AOAH: variants seen among roughly 807,000 people sequenced by gnomAD.
AOAH encodes the protein acyloxyacyl hydrolase.
A neutral mutation model predicts 92.2 loss-of-function variants in AOAH; 64 were observed. The ratio of observed to expected loss-of-function variants is 0.69; its 90% CI spans 0.57 to 0.86. The LOEUF (loss-of-function observed/expected upper bound fraction) is 0.86. Among genes scored for constraint, AOAH ranks in the 40% least tolerant of loss-of-function variants. The pLI is 0.00. For synonymous variants in AOAH, 263 were observed against 254.5 expected, an observed-to-expected ratio of 1.03 and a Z score of -0.32; for missense variants, 656 against 694.6, an observed-to-expected ratio of 0.94 and a Z score of 0.62.
intron 1 of AOAH, among the ~76,000 whole-genome samples, chr7:36,713,450 A>G (rs992646450): frequency 1.3e-5 from 2 of 152,136 alleles, no homozygotes; most frequent in Admixed American, 6.5e-5. Context: ...ATATCCAGGA[A>G]TTGAACTCAG....
chr7:36,661,672 G>A (rs1214409332), intron 3 of AOAH, among the ~76,000 whole-genome samples: 1 of 152,124 alleles, frequency 6.6e-6, no homozygotes, highest in East Asian at 1.9e-4. Flanking sequence ...TTTATCTTGT[G>A]ATTGAAAGCA....
chr7:36,684,946 G>A (rs202164349), intron 2 of AOAH, among the ~76,000 whole-genome samples: 27 of 71,006 alleles, frequency 3.8e-4, no homozygotes, highest in Admixed American at 6.7e-4. Context: ...AAAAGAAGAA[G>A]AAGAAGAAGA....
chr7:36,551,092 T>TA (rs992371982), intron 13 of AOAH, among the ~76,000 whole-genome samples: 5 of 151,174 alleles, frequency 3.3e-5, no homozygotes, highest in African/African-American at 1.2e-4. Flanking sequence ...TTTTTTTTTT[T>TA]AGACAGAGTC....
At chr7:36,700,767 T>TCCAC (rs1354777170) in intron 1 of AOAH, among the ~76,000 whole-genome samples, 3 of 152,160 alleles carry the variant, frequency 2.0e-5, no homozygotes, top group Admixed American at 2.0e-4. Flanking sequence ...CACTGTGTTT[T>TCCAC]CCACAGAGGT....
At chr7:36,627,188 G>T (rs1393415594) in intron 6 of AOAH, among the ~76,000 whole-genome samples, 63 of 152,268 alleles carry the variant, frequency 4.1e-4, no homozygotes, top group African/African-American at 1.4e-3. Context: ...TGCATCAAAA[G>T]ATAACTATAG....
At chr7:36,578,538 A>G (rs1157039036) in intron 12 of AOAH, among the ~76,000 whole-genome samples, 4 of 152,002 alleles carry the variant, frequency 2.6e-5, no homozygotes, top group African/African-American at 9.7e-5. Context: ...TCCACTCTCC[A>G]TTTTTCCATT....
intron 3 of AOAH, among the ~76,000 whole-genome samples, chr7:36,669,175 C>T (rs1371679098): frequency 2.0e-5 from 3 of 152,058 alleles, no homozygotes; most frequent in African/African-American, 7.2e-5. Flanking sequence ...CATATTTAGA[C>T]CTGTGACATT....
intron 1 of AOAH, among the ~76,000 whole-genome samples, chr7:36,712,462 T>C (rs921629268): frequency 2.0e-5 from 3 of 152,198 alleles, no homozygotes; most frequent in African/African-American, 7.2e-5. Context: ...AACACAAGGA[T>C]TATTTTCCCC....
In AOAH at chr7:36,576,588, T is replaced by G; in HGVS notation, c.1007A>C (p.Asn336Thr). ...RNHCNHRDYQ[N>T]ISRNGASSRN... Reference sequence around the variant, plus strand: ...AAGTTACGTACCATTTCTTGAAATATTCTGGTAGTCCCTGTGATTACAGTG... The same window carrying G: ...AAGTTACGTACCATTTCTTGAAATAGTCTGGTAGTCCCTGTGATTACAGTG... The change falls in exon 13 of 21, where the codon AAT becomes ACT. Residue 336 changes from asparagine to threonine, a missense_variant. Physicochemically the swap from Asn to Thr is moderately conservative, Grantham distance 65 (BLOSUM62 0). Coordinates refer to ENST00000617537, the MANE Select transcript of AOAH (RefSeq NM_001637.4). 1 of 1,572,676 alleles carries G rather than the reference T, an allele frequency of 6.4e-7. No individual in the cohort carries two copies. Among genetic ancestry groups the G allele is most frequent in the East Asian group, 2.3e-5 (1 of 44,138 alleles).
At chr7:36,601,493 C>A (rs1461294536) in intron 11 of AOAH, among the ~76,000 whole-genome samples, 2 of 152,162 alleles carry the variant, frequency 1.3e-5, no homozygotes, top group African/African-American at 4.8e-5. Flanking sequence ...TAGAGGAGCA[C>A]AGACAATAAA....
At chr7:36,646,758 T>C (rs1380116240) in intron 4 of AOAH, among the ~76,000 whole-genome samples, 1 of 152,228 alleles carries the variant, frequency 6.6e-6, no homozygotes, top group Non-Finnish European at 1.5e-5. Context: ...CTCATGGCTC[T>C]GAACACTGCC....
rs200489121 is a variant in AOAH, at chr7:36,517,228, C to CTTTTTCTCTTTCTTTCTTTCTG, written c.1600-3849_1600-3848insCAGAAAGAAAGAAAGAGAAAAA. 6.9e-3 allele frequency among the ~76,000 whole-genome samples: 375 copies of CTTTTTCTCTTTCTTTCTTTCTG among 54,738 alleles called. 10 individuals carry two copies. Among genetic ancestry groups the CTTTTTCTCTTTCTTTCTTTCTG allele is most frequent in the Admixed American group, 0.012 (53 of 4,442 alleles). The allele number at this position is 54,738 out of a possible 152,430, so 35.9% of individuals were successfully genotyped here. ...TTTCTTTCTTTCTCTTTCTTTCTGT[C>CTTTTTCTCTTTCTTTCTTTCTG]TCTCTCTCTCTCTCTCTTTCTTTCT... On this transcript the variant is annotated intron_variant, in intron 20 of 20. Transcript: ENST00000617537.
chr7:36,603,336 G>A lies in AOAH; in HGVS notation c.847-8906C>T, dbSNP rs145231331. On this transcript the variant is annotated intron_variant, in intron 11 of 20. Transcript: ENST00000617537. ...TACCCCTATCCCCGCAGACCTCCAG[G>A]TCTCACCACAAGCTCTTCCTCCAGC... Among the ~76,000 whole-genome samples the A allele has an allele frequency of 3.1e-3, 478 of 152,128 alleles. 2 individuals are homozygous for A. The highest frequency in any genetic ancestry group is 0.01 in the African/African-American group (424 of 41,486).
intron 16 of AOAH, 51 bp downstream of exon 16, chr7:36,540,268 C>A (rs772881880): frequency 7.6e-6 from 11 of 1,447,906 alleles, no homozygotes; most frequent in Non-Finnish European, 1.0e-5. Flanking sequence ...ATACATTGAA[C>A]TGTATATACA....
chr7:36,652,335 C>G (rs370862776), intron 4 of AOAH, among the ~76,000 whole-genome samples: 1 of 152,056 alleles, frequency 6.6e-6, no homozygotes, highest in Non-Finnish European at 1.5e-5. Context: ...GTATAAAATA[C>G]GTATACATGA....
At chr7:36,701,649 GT>G (rs1258031866) in intron 1 of AOAH, among the ~76,000 whole-genome samples, 1 of 151,480 alleles carries the variant, frequency 6.6e-6, no homozygotes, top group African/African-American at 2.4e-5. Context: ...TATGATATAT[GT>G]TTTTCCATCC....
intron 4 of AOAH, among the ~76,000 whole-genome samples, chr7:36,640,296 GT>G (rs1454789164): frequency 6.7e-6 from 1 of 150,086 alleles, no homozygotes; most frequent in East Asian, 2.0e-4. Flanking sequence ...GAAAATCTGG[GT>G]TTCTGCTGGA....
At chr7:36,514,520 A>T (rs994060905) in intron 20 of AOAH, 6 of 1,535,844 alleles carry the variant, frequency 3.9e-6, no homozygotes, top group Non-Finnish European at 5.2e-6. Flanking sequence ...CCATGATGTT[A>T]GCTGGGTCCA....
intron 6 of AOAH, among the ~76,000 whole-genome samples, chr7:36,629,918 A>C (rs1460572806): frequency 6.6e-6 from 1 of 152,356 alleles, no homozygotes; most frequent in East Asian, 1.9e-4. Context: ...ATTTGGAAAC[A>C]GGGTCTTTAC....
Sources: allele counts gnomAD v4.1 joint callset (sites outside exome capture counted in the v4.1 genomes callset), GRCh38; gene constraint gnomAD v4.1.1; transcripts MANE v1.5; gene names NCBI Gene and HGNC (gene_info 2026-07-23, HGNC 2026-07-21).